Variants in DRD3 observed in about 807,000 individuals in gnomAD.
DRD3 encodes dopamine receptor D3.
A neutral mutation model predicts 36.3 loss-of-function variants in DRD3; 19 were observed. That is an observed-to-expected ratio of 0.52 (90% CI 0.36 to 0.77). The LOEUF is 0.77. Among genes scored for constraint, DRD3 ranks in the 30% least tolerant of loss-of-function variants. DRD3 has a pLI of 0.00. For synonymous variants in DRD3, 195 were observed against 203.7 expected (o/e 0.96, Z 0.36); for missense variants, 465 against 505.3 (o/e 0.92, Z 0.77).
chr3:114,182,508 T>C (rs1482519905), upstream of DRD3, among the ~76,000 whole-genome samples: 1 of 152,194 alleles, frequency 6.6e-6, no homozygotes, highest in Non-Finnish European at 1.5e-5. Context: ...TCTACCCTTC[T>C]GTGTGCTTGC....
chr3:114,142,962 C>T (rs1452236149), intron 4 of DRD3, among the ~76,000 whole-genome samples: 1 of 152,182 alleles, frequency 6.6e-6, no homozygotes, highest in Non-Finnish European at 1.5e-5. Context: ...CCTGCCCCAG[C>T]CCCCAGCAGG....
intron 2 of DRD3, among the ~76,000 whole-genome samples, chr3:114,161,184 T>A (rs1311646944): frequency 6.6e-6 from 1 of 152,210 alleles, no homozygotes; most frequent in Non-Finnish European, 1.5e-5. Flanking sequence ...TGCCTCTGGC[T>A]GTAGCTGAGT....
intron 1 of DRD3, among the ~76,000 whole-genome samples, chr3:114,198,541 T>C (rs1420204058): frequency 1.3e-5 from 2 of 152,178 alleles, no homozygotes; most frequent in African/African-American, 4.8e-5. Context: ...TTAGTTCTAG[T>C]AGGATTTTTT....
In DRD3 at chr3:114,154,345, GTA is replaced by G. The variant is rs367922186; in HGVS notation, c.383+5408_383+5409del. Among the ~76,000 whole-genome samples the G allele has an allele frequency of 3.2e-3, 486 of 151,680 alleles. 4 individuals carry two copies. Among genetic ancestry groups the G allele is most frequent in the African/African-American group, 0.011 (463 of 41,124 alleles). ...GGGAGATGTGTGTGTGTGTGTGTGT[GTA>G]TGTGTGTGTGTGTGCTGACAAGGGT... On this transcript the variant is annotated intron_variant, in intron 3 of 6. Transcript: ENST00000383673.
rs921112539 is a variant in DRD3 at position 114,128,650 on chromosome 3, T to C, written c.*66A>G. ...GCATGCCGGAGGACACTGCACAGTC[T>C]TTCTGAGTGGGCCAACAGCCTGGCA... is the stretch of plus-strand genomic sequence containing the variant. On this transcript the variant is annotated 3_prime_UTR_variant, in exon 7 of 7. Transcript: ENST00000383673. The C allele has an allele frequency of 2.7e-6, 4 of 1,485,290 alleles. No individual in the cohort carries two copies. The African/African-American group carries it at 4.2e-5, about 16-fold the overall frequency. The allele number at this position is 1,485,290 out of a possible 1,614,324, so 92.0% of individuals were successfully genotyped here. A position where few individuals can be genotyped will look rare whatever the true frequency, so the allele number is the denominator to read the frequency against.
chr3:114,143,070 A>G (rs2107842199), intron 4 of DRD3, among the ~76,000 whole-genome samples: 1 of 152,368 alleles, frequency 6.6e-6, no homozygotes, highest in Non-Finnish European at 1.5e-5. Flanking sequence ...GAGGTAAGGA[A>G]AGCTGTAATG....
At chr3:114,189,210 T>C (rs2077990705) in intron 1 of DRD3, among the ~76,000 whole-genome samples, 1 of 152,226 alleles carries the variant, frequency 6.6e-6, no homozygotes, top group Admixed American at 6.5e-5. Flanking sequence ...GTTTGATCCT[T>C]TTACTACTAT....
upstream of DRD3, among the ~76,000 whole-genome samples, chr3:114,180,799 G>C (rs564267595): frequency 6.6e-6 from 1 of 152,094 alleles, no homozygotes; most frequent in Middle Eastern, 3.2e-3. Flanking sequence ...TGAACTCCAA[G>C]GCTTTTCTTC....
chr3:114,140,177 C>G (rs140469114), intron 4 of DRD3, among the ~76,000 whole-genome samples: 85 of 152,286 alleles, frequency 5.6e-4, no homozygotes, highest in African/African-American at 2.0e-3. Context: ...AGGAAGAAGC[C>G]TTATTTGCTG....
Position 114,159,819 on chromosome 3 carries a change from C to G in DRD3, c.319G>C (p.Val107Leu). Residue 107 changes from valine to leucine, a missense_variant, in exon 3 of 7, where the codon GTC (valine) becomes CTC (leucine). Coordinates refer to ENST00000383673, the MANE Select transcript of DRD3 (RefSeq NM_000796.6). ...GTACACATCATGACATCCAGGGTGA[C>G]AAAAACATCACAGCAAATGCGGCTG... Reference protein sequence around the residue: ...NFSRICCDVFVTLDVMMCTAS... With the variant: ...NFSRICCDVFLTLDVMMCTAS... 6.2e-7 allele frequency: 1 copy of G among 1,614,084 alleles called. No homozygotes were observed. Among genetic ancestry groups the G allele is most frequent in the South Asian group, 1.1e-5 (1 of 91,084 alleles).
intron 4 of DRD3, among the ~76,000 whole-genome samples, chr3:114,142,696 TG>T: frequency 6.6e-6 from 1 of 151,960 alleles, no homozygotes; most frequent in Non-Finnish European, 1.5e-5. Context: ...GGGCACCTTA[TG>T]AATGTTTTAT....
chr3:114,156,791 CTTTCTTTCTCT>C (rs2077680263), intron 3 of DRD3, among the ~76,000 whole-genome samples: 7 of 81,688 alleles, frequency 8.6e-5, no homozygotes, highest in African/African-American at 2.6e-4. Flanking sequence ...TTCTTTCTTT[CTTTCTTTCTCT>C]TTTCTTTTTC....
At chr3:114,149,646 T>G (rs1379924887) in intron 3 of DRD3, among the ~76,000 whole-genome samples, 1 of 152,180 alleles carries the variant, frequency 6.6e-6, no homozygotes, top group East Asian at 1.9e-4. Flanking sequence ...AAAGGGAGAT[T>G]ATCTTGAGTG....
chr3:114,164,177 C>T (rs2077759703), intron 2 of DRD3, among the ~76,000 whole-genome samples: 3 of 126,070 alleles, frequency 2.4e-5, no homozygotes, highest in Admixed American at 9.8e-5. Context: ...GCCGAAATCT[C>T]ACCACTGCAC....
chr3:114,137,682 A>T (rs1273812338), intron 5 of DRD3, among the ~76,000 whole-genome samples: 1 of 152,058 alleles, frequency 6.6e-6, no homozygotes, highest in Non-Finnish European at 1.5e-5. Flanking sequence ...CCCTGTCTCT[A>T]CTAAAAATAC....
chr3:114,170,577 T>C (rs1342491796), intron 2 of DRD3, among the ~76,000 whole-genome samples: 2 of 152,210 alleles, frequency 1.3e-5, no homozygotes, highest in Non-Finnish European at 2.9e-5. Context: ...TTTCTTCTTT[T>C]CCTTTTATTT....
upstream of DRD3, among the ~76,000 whole-genome samples, chr3:114,180,679 G>A (rs1344644722): frequency 6.6e-6 from 1 of 152,130 alleles, no homozygotes; most frequent in Admixed American, 6.5e-5. Context: ...GGGTTAGAGA[G>A]GTTAGGTTCC....
In DRD3 at chr3:114,147,464, T is replaced by TA. The variant is rs1299563676; in HGVS notation, c.476dup (p.Leu160ThrfsTer14). On this transcript the variant is annotated frameshift_variant, in exon 4 of 7. Coordinates refer to ENST00000383673, the MANE Select transcript of DRD3 (RefSeq NM_000796.6). LOFTEE classifies it high-confidence loss of function. ...GAGGGCAGGACACAGCAAAGGCCAG[T>TA]ACCCAGACGGCCGTGATCATGAGGG... 4 of 1,613,762 alleles carry TA rather than the reference T, an allele frequency of 2.5e-6. No individual in the cohort carries two copies. The highest frequency in any genetic ancestry group is 3.4e-6 in the Non-Finnish European group (4 of 1,180,004).
In DRD3 at chr3:114,171,837, C is replaced by T. The variant is rs763684802; in HGVS notation, c.156G>A (p.Met52Ile). Reference sequence around the variant, plus strand: ...GCAGGGCCCGCTCCTTCAGCACAGCCATGCACACCAGGCCATTGCCGAAGA... The same window carrying T: ...GCAGGGCCCGCTCCTTCAGCACAGCTATGCACACCAGGCCATTGCCGAAGA... The part of the protein sequence containing the change: ...AIVFGNGLVC[M>I]AVLKERALQT... The change falls in exon 2 of 7, where the codon ATG becomes ATA. Residue 52 changes from methionine to isoleucine, a missense_variant. Met to Ile is a conservative substitution (Grantham distance 10). Transcript: ENST00000383673. 14 of 1,614,026 alleles carry T rather than the reference C, an allele frequency of 8.7e-6. No homozygotes were observed. Among genetic ancestry groups the T allele is most frequent in the Non-Finnish European group, 1.2e-5 (14 of 1,179,956 alleles).
Sources: allele counts gnomAD v4.1 joint callset (sites outside exome capture counted in the v4.1 genomes callset), GRCh38; gene constraint gnomAD v4.1.1; transcripts MANE v1.5; gene names NCBI Gene and HGNC (gene_info 2026-07-23, HGNC 2026-07-21).